Variants in GBE1 observed in about 807,000 individuals in gnomAD.
GBE1 encodes 1,4-alpha-glucan-branching enzyme.
In GBE1, 70 loss-of-function variants were observed where a neutral mutation model predicts 88.8. The observed-to-expected ratio is 0.79, with a 90% confidence interval of 0.65 to 0.96. GBE1 has a LOEUF of 0.96. Ranked by LOEUF, GBE1 falls within the 40% of genes least tolerant of loss-of-function variation. GBE1 has a pLI of 0.00. For synonymous variants in GBE1, 284 were observed against 300.1 expected (o/e 0.95, Z 0.56); for missense variants, 872 against 871.0 (o/e 1.00, Z -0.01).
Position 81,520,318 on chromosome 3 carries a change from C to T in GBE1, c.1934+14877G>A, listed in dbSNP as rs550388081. Reference sequence around the variant, plus strand: ...CTCCGCATCACATTTTGGTAATTATCGCAACGTTTCAAACTTTTTCATTAT... The same window carrying T: ...CTCCGCATCACATTTTGGTAATTATTGCAACGTTTCAAACTTTTTCATTAT... On this transcript the variant is annotated intron_variant, in intron 14 of 15. Transcript: ENST00000429644. Among the ~76,000 whole-genome samples the T allele has an allele frequency of 2.8e-4, 43 of 151,518 alleles. 2 individuals are homozygous for T. The South Asian group carries it at 5.6e-3, about 20-fold the overall frequency.
chr3:81,699,522 T>C (rs1332445500), intron 2 of GBE1, among the ~76,000 whole-genome samples: 2 of 152,072 alleles, frequency 1.3e-5, no homozygotes, highest in African/African-American at 4.8e-5. Flanking sequence ...ACTTACGCAA[T>C]GGCAAGGTTC....
chr3:81,662,493 T>C lies in GBE1; in HGVS notation c.429+8345A>G, dbSNP rs576006677. 3.9e-5 allele frequency among the ~76,000 whole-genome samples: 6 copies of C among 152,302 alleles called. No homozygotes were observed. In the East Asian group the frequency reaches 9.6e-4, roughly 24 times the overall value. ...TTGTCCTTAAACTCACATCATTTAC[T>C]TATGAAAAAGTTTCCACTATACTTG... On this transcript the variant is annotated intron_variant, in intron 3 of 15. Coordinates refer to ENST00000429644, the MANE Select transcript of GBE1 (RefSeq NM_000158.4).
intron 12 of GBE1, among the ~76,000 whole-genome samples, chr3:81,571,465 T>C (rs1271733425): frequency 6.6e-6 from 1 of 152,214 alleles, no homozygotes; most frequent in Non-Finnish European, 1.5e-5. Context: ...TTGCTGGTTT[T>C]CTTGATTTAA....
intron 14 of GBE1, among the ~76,000 whole-genome samples, chr3:81,532,954 A>AT (rs957417381): frequency 1.3e-5 from 2 of 151,426 alleles, no homozygotes; most frequent in Non-Finnish European, 2.9e-5. Context: ...CCTGCCACTT[A>AT]TTTTTTCATT....
intron 1 of GBE1, among the ~76,000 whole-genome samples, chr3:81,712,191 T>G (rs140292417): frequency 0.015 from 2,311 of 152,314 alleles, 65 homozygotes; most frequent in African/African-American, 0.052. Flanking sequence ...GGAACACTTT[T>G]ACACTGTTGG....
At chr3:81,623,480 G>A (rs1704360633) in intron 7 of GBE1, among the ~76,000 whole-genome samples, 2 of 152,142 alleles carry the variant, frequency 1.3e-5, no homozygotes, top group African/African-American at 4.8e-5. Flanking sequence ...ACCTAGAAAT[G>A]TACTTTGTAT....
At chr3:81,750,630 C>CGTATATATATATAT (rs1559708780) in intron 1 of GBE1, among the ~76,000 whole-genome samples, 2 of 23,344 alleles carry the variant, frequency 8.6e-5, no homozygotes, top group South Asian at 1.0e-3. Context: ...TATATATATA[C>CGTATATATATATAT]GTATATATAT....
chr3:81,633,557 C>A (rs903210422), intron 7 of GBE1, among the ~76,000 whole-genome samples: 5 of 152,064 alleles, frequency 3.3e-5, no homozygotes, highest in Non-Finnish European at 7.4e-5. Flanking sequence ...ATACAGATTT[C>A]TTTAATAAAG....
intron 1 of GBE1, among the ~76,000 whole-genome samples, chr3:81,749,384 T>C (rs536182281): frequency 2.7e-5 from 4 of 150,216 alleles, no homozygotes; most frequent in African/African-American, 2.5e-5. Context: ...ATTTCATTCA[T>C]AGAACACTCC....
intron 1 of GBE1, among the ~76,000 whole-genome samples, chr3:81,709,577 G>T (rs3821548): frequency 6.6e-6 from 1 of 151,804 alleles, no homozygotes; most frequent in African/African-American, 2.4e-5. Flanking sequence ...TTTCAATGTT[G>T]GTATCATACC....
intron 1 of GBE1, among the ~76,000 whole-genome samples, chr3:81,749,416 C>T (rs2107230410): frequency 1.3e-5 from 2 of 151,468 alleles, no homozygotes; most frequent in Admixed American, 1.3e-4. Flanking sequence ...ACATTACAGA[C>T]ATGCAAACCA....
intron 3 of GBE1, among the ~76,000 whole-genome samples, chr3:81,668,588 A>G (rs1043951309): frequency 6.6e-6 from 1 of 152,196 alleles, no homozygotes; most frequent in Non-Finnish European, 1.5e-5. Flanking sequence ...ACTTGAGCTA[A>G]CAAAGCAAAA....
intron 2 of GBE1, among the ~76,000 whole-genome samples, chr3:81,703,767 C>T (rs1415797814): frequency 6.6e-6 from 1 of 151,934 alleles, no homozygotes; most frequent in Non-Finnish European, 1.5e-5. Context: ...TGCATCTGTA[C>T]TGAACACTTA....
In GBE1 at chr3:81,520,610, T is replaced by A. The variant is rs139456014; in HGVS notation, c.1934+14585A>T. The stretch of plus-strand genomic sequence containing the variant: ...TCTGATGATATAAAAGGCATTATGT[T>A]TCTTTCTTTACAGCTAAACAATGTG... On this transcript the variant is annotated intron_variant, in intron 14 of 15. Coordinates refer to ENST00000429644, the MANE Select transcript of GBE1 (RefSeq NM_000158.4). Among the ~76,000 whole-genome samples, 51 of 151,744 alleles carry A rather than the reference T, an allele frequency of 3.4e-4. No homozygotes were observed. The East Asian group carries it at 9.5e-3, about 28-fold the overall frequency.
At chr3:81,510,378 TTC>T (rs1702708695) in intron 14 of GBE1, among the ~76,000 whole-genome samples, 1 of 152,094 alleles carries the variant, frequency 6.6e-6, no homozygotes, top group Non-Finnish European at 1.5e-5. Flanking sequence ...ATAGTCCTCT[TTC>T]TCTTTTAAGA....
intron 1 of GBE1, among the ~76,000 whole-genome samples, chr3:81,740,649 CTG>C (rs2107218693): frequency 6.6e-6 from 1 of 152,124 alleles, no homozygotes; most frequent in Admixed American, 6.6e-5. Context: ...TAAGATTTTG[CTG>C]TCTTTCTCCA....
At position 81,525,435 on chromosome 3, in the gene GBE1, GTATTT is replaced by G. The variant is rs1702930810; in HGVS notation, c.1934+9755_1934+9759del. 2.0e-5 allele frequency among the ~76,000 whole-genome samples: 3 copies of G among 152,044 alleles called. No individual in the cohort carries two copies. The East Asian group carries it at 5.8e-4, about 30-fold the overall frequency. On this transcript the variant is annotated intron_variant, in intron 14 of 15. Coordinates refer to ENST00000429644, the MANE Select transcript of GBE1 (RefSeq NM_000158.4). ...ATGTGCTGCTGGATTCGGTTTGCCAGTATTTTATTGAGGATTTTTGCATCAACGTT... is the reference window on the plus strand; with the variant it reads ...ATGTGCTGCTGGATTCGGTTTGCCAGTATTGAGGATTTTTGCATCAACGTT...
At chr3:81,654,777 CTTTTT>C (rs1226905155) in intron 3 of GBE1, 1 of 152,122 alleles carries the variant, frequency 6.6e-6, no homozygotes, top group Admixed American at 6.5e-5. Context: ...ACTTCCACTT[CTTTTT>C]TATTTCACTT....
intron 7 of GBE1, among the ~76,000 whole-genome samples, chr3:81,629,018 G>GTTT (rs34707682): frequency 0.018 from 1,796 of 97,836 alleles, 98 homozygotes; most frequent in African/African-American, 0.06. Flanking sequence ...TTATGTTTAA[G>GTTT]TTTTTTTTTT....
Sources: gnomAD v4.1 joint callset for allele counts (sites outside exome capture counted in the v4.1 genomes callset) on GRCh38, gnomAD v4.1.1 for gene constraint, MANE v1.5 for transcripts, NCBI Gene and HGNC (gene_info 2026-07-23, HGNC 2026-07-21) for gene names.